The following SLIT1 variants were observed in gnomAD, a reference collection of about 807,000 sequenced individuals.
SLIT1 encodes the protein slit guidance ligand 1.
SLIT1 carries 66 observed loss-of-function variants against 186.1 expected under a neutral mutation model. The ratio of observed to expected loss-of-function variants is 0.35; its 90% CI spans 0.29 to 0.44. SLIT1 has a LOEUF of 0.44. SLIT1 is among the 20% of genes least tolerant of loss of function. The probability of loss-of-function intolerance (pLI) is 1.00; values close to 1 mark genes in which losing one functional copy is unlikely to be tolerated. For synonymous variants in SLIT1, 761 were observed against 833.8 expected (o/e 0.91, Z 1.50); for missense variants, 1,638 against 2,037.4 (o/e 0.80, Z 3.77).
intron 10 of SLIT1, 76 bp downstream of exon 10, chr10:97,060,011 C>G: frequency 7.8e-7 from 1 of 1,275,786 alleles, no homozygotes; most frequent in Non-Finnish European, 1.1e-6. Flanking sequence ...TTAGGGCCTG[C>G]CCCAGGGCTG....
chr10:97,002,996 G>A lies in SLIT1; in HGVS notation c.3866-4C>T, dbSNP rs1209544259. On this transcript the variant is annotated splice_polypyrimidine_tract_variant and splice_region_variant and intron_variant, in intron 34 of 36. Coordinates refer to ENST00000266058, the MANE Select transcript of SLIT1 (RefSeq NM_003061.3). The stretch of plus-strand genomic sequence containing the variant: ...GAGTTGACATCCACGGGCATCCCTG[G>A]GGTAGGGGAGGGAGCAGAGCTGGGC... The A allele has an allele frequency of 2.5e-6, 4 of 1,611,714 alleles. No homozygotes were observed. Among genetic ancestry groups the A allele is most frequent in the South Asian group, 1.1e-5 (1 of 90,752 alleles).
At chr10:97,166,721 C>T (rs1324561103) in intron 1 of SLIT1, among the ~76,000 whole-genome samples, 1 of 152,088 alleles carries the variant, frequency 6.6e-6, no homozygotes, top group Non-Finnish European at 1.5e-5. Flanking sequence ...CTGGGATGTT[C>T]TAGGGTTGCT....
At position 97,163,403 on chromosome 10, in the gene SLIT1, A is replaced by T. The variant is rs1313741803; in HGVS notation, c.318T>A (p.Asp106Glu). The change falls in exon 3 of 37, where the codon GAT (aspartate) becomes GAA (glutamate). Residue 106 changes from aspartate (D) to glutamate (E), a missense_variant. Asp to Glu is a conservative substitution (Grantham distance 45, BLOSUM62 2). Around this residue, in one of 3 missense-constraint regions of SLIT1, gnomAD observed 1,245 missense variants for 1,535.3 expected, o/e 0.81. Transcript: ENST00000266058. The stretch of plus-strand genomic sequence containing the variant: ...ACAGCCGCTCCAGCTCCTTCATGTC[A>T]TCAAAAGCACCACGTTCCACTGCTC... The part of the protein sequence containing the change: ...QIGAVERGAF[D>E]DMKELERLRL... The T allele has an allele frequency of 6.2e-7, 1 of 1,614,020 alleles. No individual in the cohort carries two copies. Among genetic ancestry groups the T allele is most frequent in the East Asian group, 2.2e-5 (1 of 44,874 alleles).
At chr10:97,042,375 C>G (rs1163906166) in intron 20 of SLIT1, among the ~76,000 whole-genome samples, 1 of 152,118 alleles carries the variant, frequency 6.6e-6, no homozygotes, top group African/African-American at 2.4e-5. Flanking sequence ...CTACAGTGAC[C>G]TTCCGTGCTT....
rs1468278908 is a variant in SLIT1, at chr10:97,021,302, G to T, written c.2694C>A (p.Asp898Glu). The stretch of plus-strand genomic sequence containing the variant: ...TGGTGAGGAGCAGCTTGCCCTCCAT[G>T]TCCTGGGGCCCAGCACAACGAGCAA... Reference protein sequence around the residue: ...PGIARCAGPQDMEGKLLLTTP... With the variant: ...PGIARCAGPQEMEGKLLLTTP... Residue 898 changes from aspartate (D) to glutamate (E), a missense_variant, in exon 26 of 37, where the codon GAC becomes GAA. Physicochemically the swap from Asp to Glu is conservative, Grantham distance 45. Coordinates refer to ENST00000266058, the MANE Select transcript of SLIT1 (RefSeq NM_003061.3). This position sits in a 1 kb window ranked among gnomAD's most constrained non-coding sequence, Gnocchi z 4.5. 4 of 1,614,062 alleles carry T rather than the reference G, an allele frequency of 2.5e-6. No homozygotes were observed. Among genetic ancestry groups the T allele is most frequent in the Non-Finnish European group, 3.4e-6 (4 of 1,180,032 alleles).
intron 4 of SLIT1, among the ~76,000 whole-genome samples, chr10:97,076,067 C>T (rs1284111825): frequency 6.6e-6 from 1 of 152,174 alleles, no homozygotes; most frequent in Non-Finnish European, 1.5e-5. Flanking sequence ...AAGGCACCCA[C>T]AGGGCTGGTG....
chr10:97,073,679 C>T (rs951283480), intron 4 of SLIT1, among the ~76,000 whole-genome samples: 40 of 152,278 alleles, frequency 2.6e-4, no homozygotes, highest in African/African-American at 7.2e-4. Flanking sequence ...GGAGCACTCA[C>T]GGAGAGGCCA....
Position 97,004,180 on chromosome 10 carries a change from C to T in SLIT1, c.3753G>A (p.Leu1251=). 1.2e-6 allele frequency: 2 copies of T among 1,613,842 alleles called. No individual in the cohort carries two copies. Among genetic ancestry groups the T allele is most frequent in the Non-Finnish European group, 1.7e-6 (2 of 1,179,740 alleles). Residue 1251 remains leucine (L), a synonymous_variant, in exon 34 of 37, where the codon CTG becomes CTA. Coordinates refer to ENST00000266058, the MANE Select transcript of SLIT1 (RefSeq NM_003061.3). This position sits in a 1 kb window ranked among gnomAD's most constrained non-coding sequence, Gnocchi z 5.1. ...GATTCACCATCTGGTCAAAGGCAACCAGCTCAACGGTGTGGAATTGCCCAT... is the reference window on the plus strand; with the variant it reads ...GATTCACCATCTGGTCAAAGGCAACTAGCTCAACGGTGTGGAATTGCCCAT... ...INDGQFHTVE[L]VAFDQMVNLS...
In SLIT1 at chr10:97,059,463, G is replaced by T; in HGVS notation, c.1082C>A (p.Ser361Ter). ...AAGCCTTGGCACTGCTACTCACAGC[G>T]AGTTCAGGGAGCGGAGGCCCTGGAA... is the stretch of plus-strand genomic sequence containing the variant. ...DAFQGLRSLN[S>*]LVLYGNKITD... Residue 361 changes from serine (S) to a stop codon, truncating the protein, a stop_gained, in exon 11 of 37, where the codon TCG (serine) becomes TAG (stop). Coordinates refer to ENST00000266058, the MANE Select transcript of SLIT1 (RefSeq NM_003061.3). LOFTEE classifies it high-confidence loss of function. 6.2e-7 allele frequency: 1 copy of T among 1,613,314 alleles called. No individual in the cohort carries two copies. The highest frequency in any genetic ancestry group is 1.7e-4 in the Middle Eastern group (1 of 6,054).
chr10:97,143,736 G>A (rs1355517817), intron 4 of SLIT1, among the ~76,000 whole-genome samples: 1 of 152,190 alleles, frequency 6.6e-6, no homozygotes, highest in Non-Finnish European at 1.5e-5. Context: ...AGGGAATGCT[G>A]AAGAGTCTTT....
At chr10:97,170,717 C>T (rs1476588253) in intron 1 of SLIT1, among the ~76,000 whole-genome samples, 3 of 152,348 alleles carry the variant, frequency 2.0e-5, no homozygotes, top group African/African-American at 7.2e-5. Flanking sequence ...AAAGGAAAAC[C>T]TCGGTGGCAA....
At chr10:97,003,097 G>T in intron 34 of SLIT1, 105 bp from the exon 35 acceptor site, 3 of 1,118,284 alleles carry the variant, frequency 2.7e-6, no homozygotes, top group Non-Finnish European at 2.6e-6. Context: ...CTTGCCTGCG[G>T]CCTCTGTCCT....
chr10:97,179,186 G>C (rs1375039579), intron 1 of SLIT1, among the ~76,000 whole-genome samples: 2 of 152,104 alleles, frequency 1.3e-5, no homozygotes, highest in Non-Finnish European at 2.9e-5. Context: ...ATGCTGATGG[G>C]GCATTGACTA....
At chr10:97,097,836 T>C (rs138164585) in intron 4 of SLIT1, among the ~76,000 whole-genome samples, 85 of 152,320 alleles carry the variant, frequency 5.6e-4, no homozygotes, top group African/African-American at 1.9e-3. Context: ...ACACAATCTG[T>C]GGGCAGCCAT....
At chr10:97,105,605 G>C (rs769733165) in intron 4 of SLIT1, among the ~76,000 whole-genome samples, 1 of 152,188 alleles carries the variant, frequency 6.6e-6, no homozygotes, top group African/African-American at 2.4e-5. Flanking sequence ...TTTCTGAAGC[G>C]GGCAGAAGAG....
rs1196164080 is a variant in SLIT1 at position 97,010,187 on chromosome 10, A to C, written c.3341+806T>G. ...CCTATCAACTGATGAGTGGGTAAAC[A>C]AAATGTGGTATGTCCATACGGCAGA... On this transcript the variant is annotated intron_variant, in intron 31 of 36. Transcript: ENST00000266058. This position sits in a 1 kb window ranked among gnomAD's most constrained non-coding sequence, Gnocchi z 4.8. Among the ~76,000 whole-genome samples, 2 of 152,246 alleles carry C rather than the reference A, an allele frequency of 1.3e-5. No homozygotes were observed. The highest frequency in any genetic ancestry group is 4.8e-5 in the African/African-American group (2 of 41,470).
intron 5 of SLIT1, among the ~76,000 whole-genome samples, chr10:97,065,275 T>C (rs1335515223): frequency 6.6e-6 from 1 of 151,720 alleles, no homozygotes; most frequent in Non-Finnish European, 1.5e-5. Flanking sequence ...GCCAAAGAGG[T>C]TGACTAGAGG....
chr10:97,001,090 A>G lies in SLIT1; in HGVS notation c.*22T>C, dbSNP rs770209413. The G allele has an allele frequency of 1.2e-6, 2 of 1,602,694 alleles. No homozygotes were observed. Among genetic ancestry groups the G allele is most frequent in the South Asian group, 2.2e-5 (2 of 90,802 alleles). ...CGGCTGGGGCCCCTTGCCCGCCCTC[A>G]CCGGCCTGTCCACGCCCAGCGCTAT... is the stretch of plus-strand genomic sequence containing the variant. On this transcript the variant is annotated 3_prime_UTR_variant, in exon 37 of 37. Transcript: ENST00000266058.
intron 1 of SLIT1, among the ~76,000 whole-genome samples, chr10:97,180,597 C>T (rs929582640): frequency 7.9e-5 from 12 of 152,356 alleles, no homozygotes; most frequent in African/African-American, 2.6e-4. Flanking sequence ...CCCAAGGCCC[C>T]GCCAGCTGCT....
Sources: allele counts gnomAD v4.1 joint callset (sites outside exome capture counted in the v4.1 genomes callset), GRCh38; gene constraint gnomAD v4.1.1; regional missense constraint gnomAD v4.1.1; non-coding constraint Gnocchi (gnomAD v3.1); transcripts MANE v1.5; gene names NCBI Gene and HGNC (gene_info 2026-07-23, HGNC 2026-07-21).